The following SEMA3E variants were observed in gnomAD, a reference collection of about 807,000 sequenced individuals.
SEMA3E encodes semaphorin-3E.
A neutral mutation model predicts 93.6 loss-of-function variants in SEMA3E; 49 were observed. The ratio of observed to expected loss-of-function variants is 0.52; its 90% CI spans 0.42 to 0.66. SEMA3E has a LOEUF of 0.66. SEMA3E is among the 30% of genes least tolerant of loss of function. The pLI, the probability that SEMA3E is intolerant of heterozygous loss-of-function variation, is 0.00. For missense variants in SEMA3E, 906 were observed against 964.8 expected, an observed-to-expected ratio of 0.94 and a Z score of 0.81; for synonymous variants, 363 against 330.7, an observed-to-expected ratio of 1.10 and a Z score of -1.06.
rs1792865222 is a variant in SEMA3E, at chr7:83,595,956, CCCTT to C, written c.115+52468_115+52471del. Reference sequence around the variant, plus strand: ...AAACTTTTGCCCACTAATTTTAGCACCCTTCCTTGTGTCTTGCCTGCAGCAGTTA... The same window carrying C: ...AAACTTTTGCCCACTAATTTTAGCACCCTTGTGTCTTGCCTGCAGCAGTTA... On this transcript the variant is annotated intron_variant, in intron 1 of 16. Coordinates refer to ENST00000643230, the MANE Select transcript of SEMA3E (RefSeq NM_012431.3). Among the ~76,000 whole-genome samples, 3 of 152,036 alleles carry C rather than the reference CCCTT, an allele frequency of 2.0e-5. No individual in the cohort carries two copies. The South Asian group carries it at 6.2e-4, about 31-fold the overall frequency.
Position 83,440,656 on chromosome 7 carries a change from G to C in SEMA3E, c.457-22173C>G, listed in dbSNP as rs370015028. 6.3e-4 allele frequency among the ~76,000 whole-genome samples: 96 copies of C among 152,048 alleles called. No homozygotes were observed. The South Asian group carries it at 0.02, about 31-fold the overall frequency. Reference sequence around the variant, plus strand: ...AACAAAGCTTCTCATTCAAGACTTAGATAAAAATTAGCTGGGCATAGTGGT... The same window carrying C: ...AACAAAGCTTCTCATTCAAGACTTACATAAAAATTAGCTGGGCATAGTGGT... On this transcript the variant is annotated intron_variant, in intron 4 of 16. Transcript: ENST00000643230.
At chr7:83,604,385 A>G (rs1793059313) in intron 1 of SEMA3E, among the ~76,000 whole-genome samples, 1 of 151,358 alleles carries the variant, frequency 6.6e-6, no homozygotes, top group Non-Finnish European at 1.5e-5. Flanking sequence ...GAAATGACAC[A>G]GTTTTTTGAA....
intron 1 of SEMA3E, among the ~76,000 whole-genome samples, chr7:83,531,564 G>T (rs1791302526): frequency 6.6e-6 from 1 of 151,792 alleles, no homozygotes; most frequent in East Asian, 1.9e-4. Context: ...CGTTGGCCAG[G>T]CTGGTCTCGA....
intron 1 of SEMA3E, among the ~76,000 whole-genome samples, chr7:83,635,156 C>T (rs901514458): frequency 1.1e-4 from 16 of 151,926 alleles, no homozygotes; most frequent in Non-Finnish European, 2.2e-4. Flanking sequence ...CTTAAAATTA[C>T]TTTTTCCTTT....
chr7:83,527,055 A>G (rs1791175747), intron 1 of SEMA3E, among the ~76,000 whole-genome samples: 1 of 152,110 alleles, frequency 6.6e-6, no homozygotes, highest in South Asian at 2.1e-4. Flanking sequence ...GTGTGCTTGT[A>G]AGGGAAGGGG....
intron 1 of SEMA3E, among the ~76,000 whole-genome samples, chr7:83,518,777 C>A (rs17157694): frequency 1.3e-5 from 2 of 152,034 alleles, no homozygotes; most frequent in Admixed American, 6.6e-5. Flanking sequence ...GTCTAGCTCA[C>A]GCCTTCCTCT....
chr7:83,396,041 ATGTGTGTG>A (rs3043167), intron 12 of SEMA3E, among the ~76,000 whole-genome samples: 22,110 of 149,048 alleles, frequency 0.15, 1,641 homozygotes, highest in Middle Eastern at 0.18. Flanking sequence ...ATACGACTTG[ATGTGTGTG>A]TGTGTGTGTG....
chr7:83,385,319 T>A lies in SEMA3E; in HGVS notation c.1850A>T (p.Lys617Ile), dbSNP rs1787855789. Residue 617 changes from lysine to isoleucine, a missense_variant, in exon 16 of 17, where the codon AAA becomes ATA. Coordinates refer to ENST00000643230, the MANE Select transcript of SEMA3E (RefSeq NM_012431.3). ...CTCCTCTTTTCTTGTCTCACGTCCT[T>A]TCTGTACAAACCAGATAACTTTCGC... ...LQAKVIWFVQ[K>I]GRETRKEEVK... 6.2e-7 allele frequency: 1 copy of A among 1,613,450 alleles called. No homozygotes were observed. The highest frequency in any genetic ancestry group is 8.5e-7 in the Non-Finnish European group (1 of 1,179,542).
intron 1 of SEMA3E, among the ~76,000 whole-genome samples, chr7:83,493,002 G>A (rs776785562): frequency 3.3e-5 from 5 of 151,930 alleles, no homozygotes; most frequent in African/African-American, 4.8e-5. Context: ...CAATAATTGC[G>A]TAGGTAAACT....
intron 1 of SEMA3E, among the ~76,000 whole-genome samples, chr7:83,623,284 T>C (rs1793603480): frequency 6.6e-6 from 1 of 152,026 alleles, no homozygotes; most frequent in African/African-American, 2.4e-5. Flanking sequence ...TAAAATTGGG[T>C]ACATGAATTA....
chr7:83,530,773 G>C (rs1409080092), intron 1 of SEMA3E, among the ~76,000 whole-genome samples: 1 of 152,030 alleles, frequency 6.6e-6, no homozygotes, highest in Non-Finnish European at 1.5e-5. Flanking sequence ...AGCTACTAGG[G>C]AGGCTGAGGC....
intron 1 of SEMA3E, among the ~76,000 whole-genome samples, chr7:83,642,589 A>C (rs1794027663): frequency 6.6e-6 from 1 of 152,108 alleles, no homozygotes; most frequent in South Asian, 2.1e-4. Context: ...TGCTCACTTA[A>C]GACTAAGGAA....
At chr7:83,383,094 CTTTG>C (rs1434492765) in intron 16 of SEMA3E, among the ~76,000 whole-genome samples, 6 of 151,772 alleles carry the variant, frequency 4.0e-5, no homozygotes, top group Admixed American at 1.3e-4. Flanking sequence ...AATGACTTCT[CTTTG>C]TTTGTAGCAT....
At chr7:83,463,901 T>A (rs1296018809) in intron 4 of SEMA3E, among the ~76,000 whole-genome samples, 3 of 152,182 alleles carry the variant, frequency 2.0e-5, no homozygotes, top group Non-Finnish European at 4.4e-5. Context: ...TTACTAAACA[T>A]GCCCTGAGTC....
Position 83,364,651 on chromosome 7 carries a change from G to A in SEMA3E, c.*2935C>T, listed in dbSNP as rs1357297035. 6.6e-6 allele frequency: 1 copy of A among 152,168 alleles called. No homozygotes were observed. The highest frequency in any genetic ancestry group is 2.4e-5 in the African/African-American group (1 of 41,446). The allele number at this position is 152,168 out of a possible 1,614,324, so 9.4% of individuals were successfully genotyped here. On this transcript the variant is annotated 3_prime_UTR_variant, in exon 17 of 17. Coordinates refer to ENST00000643230, the MANE Select transcript of SEMA3E (RefSeq NM_012431.3). ...AATGGGTGACGTTGTGCTGAAGGAG[G>A]AGGTGAATGGGCATTGTTTTATGTC... is the stretch of plus-strand genomic sequence containing the variant.
intron 1 of SEMA3E, among the ~76,000 whole-genome samples, chr7:83,512,049 AT>A (rs1372870994): frequency 6.6e-6 from 1 of 152,004 alleles, no homozygotes; most frequent in South Asian, 2.1e-4. Flanking sequence ...CATTAGTTTT[AT>A]TTTTTTTACC....
At chr7:83,368,653 C>A (rs995662832) in intron 16 of SEMA3E, among the ~76,000 whole-genome samples, 3 of 152,130 alleles carry the variant, frequency 2.0e-5, no homozygotes, top group African/African-American at 7.2e-5. Context: ...AAGTAAAATC[C>A]AGTTCCTGCT....
chr7:83,641,197 T>C (rs977061434), intron 1 of SEMA3E: 4 of 163,668 alleles, frequency 2.4e-5, no homozygotes, highest in Non-Finnish European at 5.1e-5. Context: ...GTATTCCTGC[T>C]TATCCCACCC....
chr7:83,566,228 G>A (rs1468447798), intron 1 of SEMA3E, among the ~76,000 whole-genome samples: 2 of 149,300 alleles, frequency 1.3e-5, no homozygotes, highest in Non-Finnish European at 3.0e-5. Context: ...GGATTGTCTC[G>A]ATCTCCTGAC....
Sources: allele counts gnomAD v4.1 joint callset (sites outside exome capture counted in the v4.1 genomes callset), GRCh38; gene constraint gnomAD v4.1.1; transcripts MANE v1.5; gene names NCBI Gene and HGNC (gene_info 2026-07-23, HGNC 2026-07-21).